VAV1: variants seen among roughly 807,000 people sequenced by gnomAD.
The protein encoded by VAV1 is proto-oncogene vav.
In VAV1, 33 loss-of-function variants were observed where a neutral mutation model predicts 128.1. The ratio of observed to expected loss-of-function variants is 0.26; its 90% CI spans 0.20 to 0.34. VAV1 has a LOEUF of 0.34. Ranked by LOEUF, VAV1 falls within the 10% of genes least tolerant of loss-of-function variation. The pLI is 1.00. For missense variants in VAV1, 715 were observed against 1,093.7 expected (o/e 0.65, Z 4.88); for synonymous variants, 394 against 409.8 (o/e 0.96, Z 0.47).
chr19:6,773,193 G>A (rs1419341819), intron 1 of VAV1, among the ~76,000 whole-genome samples, 182 bp downstream of exon 1: 1 of 152,192 alleles, frequency 6.6e-6, no homozygotes, highest in Non-Finnish European at 1.5e-5. Flanking sequence ...GCCTCCCCAA[G>A]CTTAACAGGC....
chr19:6,804,031 T>C (rs1971329817), intron 1 of VAV1, among the ~76,000 whole-genome samples: 1 of 151,966 alleles, frequency 6.6e-6, no homozygotes, highest in Admixed American at 6.6e-5. Context: ...AAGGCAAAAC[T>C]GTAGAAGCAG....
intron 9 of VAV1, among the ~76,000 whole-genome samples, chr19:6,827,510 A>G (rs756764235): frequency 7.9e-5 from 12 of 152,080 alleles, no homozygotes; most frequent in Non-Finnish European, 1.3e-4. Flanking sequence ...CCTGGGCTCA[A>G]GCGACTCACC....
At position 6,819,626 on chromosome 19, in the gene VAV1, G is replaced by A. The variant is rs188914861; in HGVS notation, c.205-1076G>A. Reference sequence around the variant, plus strand: ...TCCTATAAATAGATGCATGCAATACGTGGCTTTGGAAGATGGATTTTAACC... The same window carrying A: ...TCCTATAAATAGATGCATGCAATACATGGCTTTGGAAGATGGATTTTAACC... On this transcript the variant is annotated intron_variant, in intron 1 of 26. Transcript: ENST00000602142. 6.6e-5 allele frequency among the ~76,000 whole-genome samples: 10 copies of A among 152,276 alleles called. No individual in the cohort carries two copies. In the East Asian group the frequency reaches 1.2e-3, roughly 18 times the overall value.
intron 1 of VAV1, among the ~76,000 whole-genome samples, chr19:6,816,274 C>T (rs1180579344): frequency 6.6e-6 from 1 of 152,084 alleles, no homozygotes; most frequent in Non-Finnish European, 1.5e-5. Flanking sequence ...CCCTCCTCGG[C>T]TTCCCAAAAT....
chr19:6,855,685 A>G (rs1972777459), intron 26 of VAV1, among the ~76,000 whole-genome samples: 1 of 151,592 alleles, frequency 6.6e-6, no homozygotes, highest in African/African-American at 2.4e-5. Context: ...CTATCTCTAT[A>G]TTTATCCATC....
chr19:6,848,124 T>G lies in VAV1; in HGVS notation c.2129+10T>G. The G allele has an allele frequency of 6.5e-7, 1 of 1,543,790 alleles. No homozygotes were observed. The highest frequency in any genetic ancestry group is 8.7e-7 in the Non-Finnish European group (1 of 1,153,082). On this transcript the variant is annotated intron_variant, in intron 23 of 26. Transcript: ENST00000602142. Reference sequence around the variant, plus strand: ...TTGCCATCAGCATTAAGTAACTCCTTTCTCCCTGACTCATACCCTTTTGGG... The same window carrying G: ...TTGCCATCAGCATTAAGTAACTCCTGTCTCCCTGACTCATACCCTTTTGGG...
chr19:6,776,918 C>T (rs544642375), intron 1 of VAV1, among the ~76,000 whole-genome samples: 3 of 151,978 alleles, frequency 2.0e-5, no homozygotes, highest in Non-Finnish European at 2.9e-5. Context: ...CCACCACGCC[C>T]GGCTAATTTT....
At chr19:6,834,794 G>A (rs1017259971) in intron 19 of VAV1, among the ~76,000 whole-genome samples, 1 of 150,088 alleles carries the variant, frequency 6.7e-6, no homozygotes, top group Non-Finnish European at 1.5e-5. Context: ...CCACTTATAT[G>A]CCATTTATAT....
chr19:6,778,234 A>G (rs1970687990), intron 1 of VAV1, among the ~76,000 whole-genome samples: 1 of 152,172 alleles, frequency 6.6e-6, no homozygotes, highest in Admixed American at 6.6e-5. Flanking sequence ...CACCACGCCC[A>G]GACACCACTG....
intron 1 of VAV1, among the ~76,000 whole-genome samples, chr19:6,796,200 C>T (rs1163407340): frequency 1.3e-5 from 2 of 152,174 alleles, no homozygotes; most frequent in Non-Finnish European, 1.5e-5. Flanking sequence ...TTTAAGCACT[C>T]CAAGGATATG....
At chr19:6,783,318 G>A (rs1403022240) in intron 1 of VAV1, among the ~76,000 whole-genome samples, 1 of 152,138 alleles carries the variant, frequency 6.6e-6, no homozygotes, top group Non-Finnish European at 1.5e-5. Flanking sequence ...TGGGGGAGGA[G>A]GGCTCTATGT....
At chr19:6,798,659 T>TCCC (rs113208165) in intron 1 of VAV1, among the ~76,000 whole-genome samples, 127 of 145,358 alleles carry the variant, frequency 8.7e-4, no homozygotes, top group African/African-American at 1.5e-3. Flanking sequence ...TTTCTCCCCT[T>TCCC]CCCCCCCCCA....
At chr19:6,785,231 G>C (rs1219398497) in intron 1 of VAV1, among the ~76,000 whole-genome samples, 1 of 151,874 alleles carries the variant, frequency 6.6e-6, no homozygotes, top group Non-Finnish European at 1.5e-5. Context: ...GAGTGCAGTG[G>C]TGTTATCATA....
chr19:6,846,064 ATATT>A (rs1475839277), intron 22 of VAV1, among the ~76,000 whole-genome samples: 1 of 148,902 alleles, frequency 6.7e-6, no homozygotes, highest in African/African-American at 2.4e-5. Flanking sequence ...TGTATAATTA[ATATT>A]TATTATTTAT....
intron 21 of VAV1, among the ~76,000 whole-genome samples, chr19:6,841,290 A>G (rs1396705533): frequency 2.0e-5 from 3 of 152,098 alleles, no homozygotes; most frequent in Non-Finnish European, 4.4e-5. Context: ...CCTGTCAATG[A>G]ACAATTGGTT....
chr19:6,822,382 C>T lies in VAV1; in HGVS notation c.559-37C>T, dbSNP rs757106364. 4.5e-6 allele frequency: 7 copies of T among 1,552,830 alleles called. No homozygotes were observed. The highest frequency in any genetic ancestry group is 2.0e-4 in the Middle Eastern group (1 of 5,122). On this transcript the variant is annotated intron_variant, in intron 5 of 26. Transcript: ENST00000602142. The surrounding 1 kb of genome is among the most constrained non-coding windows in gnomAD (Gnocchi z 5.9). ...GGAGGGCGTGGGCGGGGGGCAGCCC[C>T]AGGCCCCCCAACACCGGCCTCTCCC...
chr19:6,816,640 C>G (rs1971662409), intron 1 of VAV1, among the ~76,000 whole-genome samples: 1 of 152,004 alleles, frequency 6.6e-6, no homozygotes, highest in South Asian at 2.1e-4. Flanking sequence ...AGCAGCATCC[C>G]CACACCGATC....
At chr19:6,849,026 C>T (rs1199301419) in intron 23 of VAV1, among the ~76,000 whole-genome samples, 1 of 151,648 alleles carries the variant, frequency 6.6e-6, no homozygotes, top group African/African-American at 2.4e-5. Context: ...TACTCCTGAC[C>T]TTCAAACATC....
chr19:6,789,949 TA>T (rs1322613656), intron 1 of VAV1, among the ~76,000 whole-genome samples: 13 of 152,088 alleles, frequency 8.5e-5, no homozygotes, highest in Non-Finnish European at 1.8e-4. Flanking sequence ...CTCATGCCTG[TA>T]ATCTCAGCAC....
Sources: gnomAD v4.1 joint callset for allele counts (sites outside exome capture counted in the v4.1 genomes callset) on GRCh38, gnomAD v4.1.1 for gene constraint, Gnocchi (gnomAD v3.1) non-coding constraint, MANE v1.5 for transcripts, NCBI Gene and HGNC (gene_info 2026-07-23, HGNC 2026-07-21) for gene names.